The following STRA6 variants were observed in gnomAD, a reference collection of about 807,000 sequenced individuals.
STRA6 encodes signaling receptor and transporter of retinol STRA6.
A neutral mutation model predicts 83.6 loss-of-function variants in STRA6; 48 were observed. The ratio of observed to expected loss-of-function variants is 0.57; its 90% CI spans 0.46 to 0.73. STRA6 has a LOEUF of 0.73. Among genes scored for constraint, STRA6 ranks in the 30% least tolerant of loss-of-function variants. STRA6 has a pLI of 0.00. For synonymous variants in STRA6, 353 were observed against 362.3 expected, an observed-to-expected ratio of 0.97 and a Z score of 0.29; for missense variants, 760 against 838.8, an observed-to-expected ratio of 0.91 and a Z score of 1.16.
In STRA6 at chr15:74,184,525, C is replaced by T. The variant is rs545099455; in HGVS notation, c.1166+455G>A. 1.1e-4 allele frequency among the ~76,000 whole-genome samples: 16 copies of T among 152,310 alleles called. 1 individual carries two copies. Among genetic ancestry groups the T allele is most frequent in the South Asian group, 8.3e-4 (4 of 4,818 alleles). On this transcript the variant is annotated intron_variant, in intron 13 of 18. Transcript: ENST00000395105. ...GCAAGCAAGGTGGCATGGCGAGACC[C>T]GTACCACCTCTCCAGTGTGCTATGC...
chr15:74,180,501 C>G (rs1267241032), intron 18 of STRA6, among the ~76,000 whole-genome samples: 1 of 152,194 alleles, frequency 6.6e-6, no homozygotes, highest in Non-Finnish European at 1.5e-5. Flanking sequence ...AGGAGTCATA[C>G]TCCCTGCCCC....
At chr15:74,208,160 G>T in intron 1 of STRA6, 1 of 748,254 alleles carries the variant, frequency 1.3e-6, no homozygotes, top group Non-Finnish European at 1.8e-6. Context: ...CTCCCAGAGG[G>T]CTAGGCTAGT....
intron 11 of STRA6, among the ~76,000 whole-genome samples, chr15:74,190,339 C>A (rs1399390973): frequency 6.6e-6 from 1 of 152,138 alleles, no homozygotes; most frequent in African/African-American, 2.4e-5. Context: ...TTCACCTCTC[C>A]AAGCTTCCAT....
upstream of STRA6, chr15:74,203,317 G>A (rs2074168990): frequency 5.7e-6 from 3 of 527,238 alleles, no homozygotes; most frequent in East Asian, 2.9e-4. Context: ...GAGGAGCCCC[G>A]CCTGCCTCCT....
At chr15:74,182,732 A>G (rs1486064983) in intron 14 of STRA6, 5 of 459,836 alleles carry the variant, frequency 1.1e-5, no homozygotes, top group Non-Finnish European at 2.0e-5. Context: ...AAAATCACAA[A>G]ATACTTTGCA....
exon 1 of STRA6, chr15:74,208,882 C>T (rs1055502021): frequency 3.0e-6 from 3 of 989,354 alleles, no homozygotes; most frequent in Non-Finnish European, 1.2e-6. Flanking sequence ...CTTGTCCCTC[C>T]AGGCAAGCAG....
At chr15:74,195,773 G>T (rs1313783447) in intron 5 of STRA6, 98 bp from the exon 6 acceptor site, 2 of 873,668 alleles carry the variant, frequency 2.3e-6, no homozygotes, top group South Asian at 3.3e-5. Flanking sequence ...CTCAATTTAA[G>T]ATACTACTTC....
rs1340824130 is a variant in STRA6 at position 74,180,148 on chromosome 15, G to A, written c.1936C>T (p.Leu646=). 1.2e-6 allele frequency: 2 copies of A among 1,613,874 alleles called. No individual in the cohort carries two copies. The highest frequency in any genetic ancestry group is 2.2e-5 in the South Asian group (2 of 91,072). ...AAGACCTGCAGGGTTGGGTTGTGCA[G>A]CAGCGTGTAGGCCAGACCCCAGCGA... ...RARWGLAYTL[L]HNPTLQVFRK... The change falls in exon 19 of 19, where the codon CTG becomes TTG. Residue 646 remains leucine, a synonymous_variant. Transcript: ENST00000395105.
upstream of STRA6, chr15:74,202,890 T>C (rs573185628): frequency 4.0e-5 from 40 of 999,288 alleles, no homozygotes; most frequent in African/African-American, 5.9e-4. Flanking sequence ...ACCATAATCC[T>C]TGACAAAGCC....
At chr15:74,186,286 C>T (rs2073241698) in intron 12 of STRA6, among the ~76,000 whole-genome samples, 1 of 152,176 alleles carries the variant, frequency 6.6e-6, no homozygotes, top group Non-Finnish European at 1.5e-5. Context: ...ACCAACCAAC[C>T]AATATTTATT....
intron 1 of STRA6, 135 bp from the exon 2 acceptor site, chr15:74,202,417 C>G (rs756909308): frequency 5.9e-6 from 9 of 1,537,930 alleles, no homozygotes; most frequent in Non-Finnish European, 7.8e-6. Flanking sequence ...TACTTTCTTA[C>G]TTTTAGCTCT....
rs1006221328 is a variant in STRA6, at chr15:74,188,706, C to T, written c.1090+409G>A. Among the ~76,000 whole-genome samples, 1 of 152,196 alleles carries T rather than the reference C, an allele frequency of 6.6e-6. No individual in the cohort carries two copies. Among genetic ancestry groups the T allele is most frequent in the African/African-American group, 2.4e-5 (1 of 41,450 alleles). ...AAGACAGGGAGTGGGGAAGAGAAAG[C>T]CTGTGCCCTGCCCAACGCCAGACCC... On this transcript the variant is annotated intron_variant, in intron 12 of 18. Transcript: ENST00000395105. The surrounding 1 kb of genome is among the most constrained non-coding windows in gnomAD (Gnocchi z 4.5).
intron 7 of STRA6, chr15:74,194,405 TTTTA>T: frequency 2.8e-6 from 3 of 1,055,084 alleles, no homozygotes; most frequent in Non-Finnish European, 3.4e-6. Context: ...TTCAATATAC[TTTTA>T]TTGAGAGCTT....
upstream of STRA6, chr15:74,209,395 C>G (rs1567204599): frequency 6.5e-7 from 1 of 1,535,672 alleles, no homozygotes; most frequent in South Asian, 1.2e-5. Context: ...CAGGGGGCCA[C>G]TGCCTGATGA....
At chr15:74,209,040 G>A (rs753235382), upstream of STRA6, 12 of 1,161,020 alleles carry the variant, frequency 1.0e-5, no homozygotes, top group African/African-American at 6.5e-5. Context: ...TGCTCCTCCC[G>A]GAAGGCAGCT....
upstream of STRA6, among the ~76,000 whole-genome samples, chr15:74,205,976 G>A (rs1238695143): frequency 7.2e-5 from 11 of 152,346 alleles, no homozygotes; most frequent in East Asian, 3.9e-4. Context: ...AGTGGAGAAC[G>A]CCTGGTTGGG....
chr15:74,202,719 G>GT lies in STRA6; in HGVS notation c.-23_-22insA. ...GACAGACCCACAGACACACCAGAAGGGAGGCCCAGGGAGGAAGGAGTTGCA... is the reference window on the plus strand; with the variant it reads ...GACAGACCCACAGACACACCAGAAGGTGAGGCCCAGGGAGGAAGGAGTTGCA... On this transcript the variant is annotated 5_prime_UTR_variant, in exon 1 of 19. Transcript: ENST00000395105. 8.0e-7 allele frequency: 1 copy of GT among 1,255,212 alleles called. No homozygotes were observed. The highest frequency in any genetic ancestry group is 1.0e-6 in the Non-Finnish European group (1 of 1,002,240). 77.8% of individuals were successfully genotyped at this position (1,255,212 alleles called of 1,614,324 possible). A position where few individuals can be genotyped will look rare whatever the true frequency, so the allele number is the denominator to read the frequency against.
rs1392404049 is a variant in STRA6 at position 74,179,912 on chromosome 15, C to T, written c.*168G>A. 3 of 897,714 alleles carry T rather than the reference C, an allele frequency of 3.3e-6. No individual in the cohort carries two copies. The highest frequency in any genetic ancestry group is 4.8e-5 in the Admixed American group (2 of 41,312). 55.6% of individuals were successfully genotyped at this position (897,714 alleles called of 1,614,324 possible). Reference sequence around the variant, plus strand: ...ATAGCCAAGTGGGTGGAGCAGAGCCCTCCTGAGGCTCCCAGTGCAGACAGA... The same window carrying T: ...ATAGCCAAGTGGGTGGAGCAGAGCCTTCCTGAGGCTCCCAGTGCAGACAGA... On this transcript the variant is annotated 3_prime_UTR_variant, in exon 19 of 19. Coordinates refer to ENST00000395105, the MANE Select transcript of STRA6 (RefSeq NM_022369.4).
At chr15:74,211,568 A>AT (rs1023832828), upstream of STRA6, among the ~76,000 whole-genome samples, 24 of 151,654 alleles carry the variant, frequency 1.6e-4, no homozygotes, top group African/African-American at 5.1e-4. Context: ...GCCCGGCTGA[A>AT]TTTTTTTGTA....
Sources: allele counts gnomAD v4.1 joint callset (sites outside exome capture counted in the v4.1 genomes callset), GRCh38; gene constraint gnomAD v4.1.1; non-coding constraint Gnocchi (gnomAD v3.1); transcripts MANE v1.5; gene names NCBI Gene and HGNC (gene_info 2026-07-23, HGNC 2026-07-21).